The following ENPEP variants were observed in gnomAD, a reference collection of about 807,000 sequenced individuals.
ENPEP encodes the protein AP-A.
ENPEP carries 103 observed loss-of-function variants against 114.5 expected under a neutral mutation model. That is an observed-to-expected ratio of 0.90 (90% CI 0.77 to 1.06). ENPEP has a LOEUF of 1.06. Ranked by LOEUF, ENPEP falls within the 50% of genes least tolerant of loss-of-function variation. ENPEP has a pLI of 0.00. For synonymous variants in ENPEP, 420 were observed against 422.0 expected (o/e 1.00, Z 0.06); for missense variants, 1,196 against 1,161.3 (o/e 1.03, Z -0.43).
chr4:110,531,388 G>C, intron 11 of ENPEP, 111 bp downstream of exon 11: 1 of 806,576 alleles, frequency 1.2e-6, no homozygotes, highest in East Asian at 3.9e-5. Flanking sequence ...CTTCAGCTAA[G>C]TGATCTCTTA....
In ENPEP at chr4:110,545,098, CTT is replaced by C. The variant is rs367789682; in HGVS notation, c.2000+2030_2000+2031del. 2.8e-3 allele frequency among the ~76,000 whole-genome samples: 425 copies of C among 152,026 alleles called. 1 individual carries two copies. Among genetic ancestry groups the C allele is most frequent in the African/African-American group, 9.5e-3 (395 of 41,502 alleles). On this transcript the variant is annotated intron_variant, in intron 13 of 19. Coordinates refer to ENST00000265162, the MANE Select transcript of ENPEP (RefSeq NM_001977.4). ...CACATAAGCTAAGACCATTATGAAA[CTT>C]TGGTGGAGGGGGTGGAAGAGAGAAG...
intron 17 of ENPEP, among the ~76,000 whole-genome samples, chr4:110,551,969 T>C (rs1174076733): frequency 6.6e-6 from 1 of 152,126 alleles, no homozygotes; most frequent in Non-Finnish European, 1.5e-5. Flanking sequence ...TACCTTCTGG[T>C]GCACTATCTG....
intron 3 of ENPEP, among the ~76,000 whole-genome samples, chr4:110,500,620 C>A (rs1879055): frequency 0.84 from 128,437 of 152,136 alleles, 54,425 homozygotes; most frequent in Middle Eastern, 0.91. Flanking sequence ...AGGGTTCTTA[C>A]ATTTAAAAAG....
chr4:110,527,293 C>G (rs373225731), intron 10 of ENPEP, among the ~76,000 whole-genome samples: 2 of 152,170 alleles, frequency 1.3e-5, no homozygotes, highest in East Asian at 1.9e-4. Flanking sequence ...TTTCCGGCCT[C>G]TCTTCCTGGA....
At chr4:110,508,495 AT>A (rs750116445) in intron 4 of ENPEP, among the ~76,000 whole-genome samples, 1 of 152,222 alleles carries the variant, frequency 6.6e-6, no homozygotes, top group Non-Finnish European at 1.5e-5. Flanking sequence ...ATCCCTCTTC[AT>A]TCTTTTATAA....
chr4:110,534,899 G>A (rs975140305), intron 11 of ENPEP, among the ~76,000 whole-genome samples: 2 of 151,968 alleles, frequency 1.3e-5, no homozygotes, highest in Non-Finnish European at 1.5e-5. Flanking sequence ...TTATCAACAA[G>A]GTGCTACGTA....
chr4:110,558,281 T>C (rs962100267), intron 18 of ENPEP, among the ~76,000 whole-genome samples: 3 of 146,978 alleles, frequency 2.0e-5, no homozygotes, highest in Non-Finnish European at 4.5e-5. Flanking sequence ...TATATATATA[T>C]ATATATATAT....
intron 1 of ENPEP, among the ~76,000 whole-genome samples, chr4:110,479,528 G>A (rs1413206388): frequency 6.6e-6 from 1 of 152,122 alleles, no homozygotes; most frequent in Non-Finnish European, 1.5e-5. Flanking sequence ...ACATGTGTAT[G>A]CATGTGTGTG....
rs34765143 is a variant in ENPEP, at chr4:110,536,107, CAAAAAAAAAAAA to C, written c.1807+4845_1807+4856del. On this transcript the variant is annotated intron_variant, in intron 11 of 19. Transcript: ENST00000265162. Reference sequence around the variant, plus strand: ...GGGCAACAAGAGTGAAACTCTGTCTCAAAAAAAAAAAAAAAAAAAAAAAAAAGAATTAAGGAA... The same window carrying C: ...GGGCAACAAGAGTGAAACTCTGTCTCAAAAAAAAAAAAAAGAATTAAGGAA... 9.5e-5 allele frequency among the ~76,000 whole-genome samples: 6 copies of C among 63,106 alleles called. No homozygotes were observed. The East Asian group carries it at 4.3e-3, about 45-fold the overall frequency. The allele number at this position is 63,106 out of a possible 152,430, so 41.4% of individuals were successfully genotyped here.
chr4:110,533,805 T>C (rs1726504452), intron 11 of ENPEP, among the ~76,000 whole-genome samples: 1 of 152,190 alleles, frequency 6.6e-6, no homozygotes, highest in African/African-American at 2.4e-5. Context: ...CCACAGAATA[T>C]TCTTAGAGGA....
chr4:110,503,387 C>T (rs1397831441), intron 3 of ENPEP, among the ~76,000 whole-genome samples: 1 of 152,030 alleles, frequency 6.6e-6, no homozygotes, highest in Non-Finnish European at 1.5e-5. Context: ...TCTGTCAGGT[C>T]ATTTTGGTTC....
intron 3 of ENPEP, among the ~76,000 whole-genome samples, chr4:110,494,631 G>A (rs914587276): frequency 7.9e-5 from 12 of 152,284 alleles, no homozygotes; most frequent in Admixed American, 7.8e-4. Flanking sequence ...GTTGGAGAGA[G>A]TACAGCAGAC....
At chr4:110,481,774 G>C (rs1341750333) in intron 1 of ENPEP, among the ~76,000 whole-genome samples, 2 of 152,152 alleles carry the variant, frequency 1.3e-5, no homozygotes, top group Non-Finnish European at 2.9e-5. Flanking sequence ...TAGTTTAAAG[G>C]CAGAGAAACA....
At chr4:110,519,984 A>T (rs1725921881) in intron 8 of ENPEP, 24 bp from the exon 9 acceptor site, 2 of 1,603,400 alleles carry the variant, frequency 1.2e-6, no homozygotes, top group Non-Finnish European at 1.7e-6. Flanking sequence ...GACTTCTAAC[A>T]TGCTGATTAT....
chr4:110,548,990 C>A (rs1727181192), intron 14 of ENPEP, among the ~76,000 whole-genome samples: 1 of 151,948 alleles, frequency 6.6e-6, no homozygotes, highest in African/African-American at 2.4e-5. Flanking sequence ...TTTGTAAAAC[C>A]TAAAGCAATA....
Position 110,515,442 on chromosome 4 carries a change from G to A in ENPEP, c.1509G>A (p.Gln503=), listed in dbSNP as rs763532538. Residue 503 remains glutamine (Q), a splice_region_variant and synonymous_variant, in exon 8 of 20, where the codon CAG becomes CAA. Transcript: ENST00000265162. ...CAGAGAATTTTCAAAAAGGATGTCA[G>A]GTATGATTTATTACTTTTAGTGATA... ...IKPENFQKGC[Q]MYLEKYQFKN... The A allele has an allele frequency of 6.3e-7, 1 of 1,592,098 alleles. No individual in the cohort carries two copies. The highest frequency in any genetic ancestry group is 1.2e-5 in the South Asian group (1 of 86,608).
chr4:110,533,140 T>TAA, intron 11 of ENPEP: 1 of 445,174 alleles, frequency 2.2e-6, no homozygotes, highest in South Asian at 1.6e-5. Flanking sequence ...TGTTTACAAG[T>TAA]TTGAAAGCGT....
chr4:110,507,619 A>G (rs992802250), intron 4 of ENPEP, among the ~76,000 whole-genome samples: 2 of 152,226 alleles, frequency 1.3e-5, no homozygotes, highest in Non-Finnish European at 2.9e-5. Context: ...ATACAATTCT[A>G]TTTTTTGATT....
chr4:110,549,109 G>A (rs1055844774), intron 14 of ENPEP, among the ~76,000 whole-genome samples: 3 of 151,906 alleles, frequency 2.0e-5, no homozygotes, highest in Non-Finnish European at 4.4e-5. Flanking sequence ...GGGTTAAAAG[G>A]GCCTTACCCA....
Sources: gnomAD v4.1 joint callset for allele counts (sites outside exome capture counted in the v4.1 genomes callset) on GRCh38, gnomAD v4.1.1 for gene constraint, MANE v1.5 for transcripts, NCBI Gene and HGNC (gene_info 2026-07-23, HGNC 2026-07-21) for gene names.